Variants in TOP1 observed in about 807,000 individuals in gnomAD.
TOP1 encodes DNA topoisomerase 1.
TOP1 carries 10 observed loss-of-function variants against 111.1 expected under a neutral mutation model. The ratio of observed to expected loss-of-function variants is 0.09; its 90% CI spans 0.06 to 0.15. The LOEUF (loss-of-function observed/expected upper bound fraction) is 0.15. Among genes scored for constraint, TOP1 ranks in the 10% least tolerant of loss-of-function variants. TOP1 has a pLI of 1.00. For missense variants in TOP1, 474 were observed against 926.7 expected, an observed-to-expected ratio of 0.51 and a Z score of 6.34; for synonymous variants, 271 against 302.9, an observed-to-expected ratio of 0.89 and a Z score of 1.10.
In TOP1 at chr20:41,098,469, T is replaced by C. The variant is rs1172116109; in HGVS notation, c.975+132T>C. ...TCATTCTATGCTAAAGACTTAGAGTTCTCAAAGTCTAAATTTTCTTAAAGG... is the reference window on the plus strand; with the variant it reads ...TCATTCTATGCTAAAGACTTAGAGTCCTCAAAGTCTAAATTTTCTTAAAGG... On this transcript the variant is annotated intron_variant, in intron 11 of 20. Transcript: ENST00000361337. The surrounding 1 kb of genome is among the most constrained non-coding windows in gnomAD (Gnocchi z 5.7). The C allele has an allele frequency of 1.9e-6, 2 of 1,036,402 alleles. No individual in the cohort carries two copies. The highest frequency in any genetic ancestry group is 2.6e-5 in the East Asian group (1 of 37,774). 64.2% of individuals were successfully genotyped at this position (1,036,402 alleles called of 1,614,324 possible). A position where few individuals can be genotyped will look rare whatever the true frequency, so the allele number is the denominator to read the frequency against.
chr20:41,121,860 G>T lies in TOP1; in HGVS notation c.2045+70G>T. ...GTGCAGCATCTGTCAGGGCCCCTGG[G>T]GCCCTGGCTTTTCGATGGTTTCTGA... On this transcript the variant is annotated intron_variant, in intron 19 of 20. Coordinates refer to ENST00000361337, the MANE Select transcript of TOP1 (RefSeq NM_003286.4). The surrounding 1 kb of genome is among the most constrained non-coding windows in gnomAD (Gnocchi z 4.2). 6.4e-7 allele frequency: 1 copy of T among 1,559,508 alleles called. No homozygotes were observed. Among genetic ancestry groups the T allele is most frequent in the South Asian group, 1.1e-5 (1 of 87,494 alleles).
intron 2 of TOP1, among the ~76,000 whole-genome samples, chr20:41,044,977 G>T (rs565943962): frequency 6.6e-6 from 1 of 152,060 alleles, no homozygotes; most frequent in East Asian, 1.9e-4. Context: ...TAGTAGAGAC[G>T]GGGTTTTGCC....
chr20:41,066,065 A>G (rs2033602647), intron 3 of TOP1, among the ~76,000 whole-genome samples: 1 of 152,228 alleles, frequency 6.6e-6, no homozygotes, highest in East Asian at 1.9e-4. Context: ...TTATATTACT[A>G]GGCTGTAAGA....
rs768474029 is a variant in TOP1 at position 41,100,277 on chromosome 20, G to T, written c.1163+34G>T. The T allele has an allele frequency of 1.7e-5, 27 of 1,568,942 alleles. No homozygotes were observed. In the East Asian group the frequency reaches 4.3e-4, roughly 25 times the overall value. Reference sequence around the variant, plus strand: ...GCACTTCATCCTATGGGCCAAAAAGGGGGTGGAGGGCGTCCTTTATTGTAC... The same window carrying T: ...GCACTTCATCCTATGGGCCAAAAAGTGGGTGGAGGGCGTCCTTTATTGTAC... On this transcript the variant is annotated intron_variant, in intron 12 of 20. Transcript: ENST00000361337. The surrounding 1 kb of genome is among the most constrained non-coding windows in gnomAD (Gnocchi z 4.4).
At chr20:41,089,098 C>T (rs1433244184) in intron 8 of TOP1, among the ~76,000 whole-genome samples, 1 of 133,968 alleles carries the variant, frequency 7.5e-6, no homozygotes, top group Non-Finnish European at 1.5e-5. Flanking sequence ...GATCTCAGTT[C>T]ACTGCAACCT....
intron 2 of TOP1, among the ~76,000 whole-genome samples, chr20:41,054,302 G>GC (rs2067896733): frequency 1.4e-5 from 2 of 145,756 alleles, no homozygotes; most frequent in Admixed American, 1.4e-4. Context: ...TCCCCACCCC[G>GC]CCCCCGCACC....
In TOP1 at chr20:41,034,058, T is replaced by C. The variant is rs1278279976; in HGVS notation, c.58+4603T>C. 6.6e-6 allele frequency among the ~76,000 whole-genome samples: 1 copy of C among 152,248 alleles called. No homozygotes were observed. The highest frequency in any genetic ancestry group is 1.9e-4 in the East Asian group (1 of 5,204). On this transcript the variant is annotated intron_variant, in intron 2 of 20. Coordinates refer to ENST00000361337, the MANE Select transcript of TOP1 (RefSeq NM_003286.4). This position sits in a 1 kb window ranked among gnomAD's most constrained non-coding sequence, Gnocchi z 4.0. ...GTGAGAGTCAGTTGAGTGAATTTTC[T>C]GTGTTGTATGGTTTAGATTATCTGA...
At chr20:41,033,672 T>G (rs2033150114) in intron 2 of TOP1, among the ~76,000 whole-genome samples, 1 of 152,222 alleles carries the variant, frequency 6.6e-6, no homozygotes, top group African/African-American at 2.4e-5. Context: ...ACATATCATT[T>G]TAGAAGTTTC....
intron 4 of TOP1, 45 bp downstream of exon 4, chr20:41,076,339 T>C: frequency 2.6e-6 from 4 of 1,563,270 alleles, no homozygotes; most frequent in Non-Finnish European, 3.5e-6. Context: ...GGATGCACTT[T>C]TGTTTACCTT....
At chr20:41,063,186 G>T (rs1228069244) in intron 3 of TOP1, among the ~76,000 whole-genome samples, 1 of 152,110 alleles carries the variant, frequency 6.6e-6, no homozygotes, top group Non-Finnish European at 1.5e-5. Context: ...GAGACCATGT[G>T]GTATTTGGTA....
intron 13 of TOP1, among the ~76,000 whole-genome samples, chr20:41,107,647 AGTC>A (rs1310630135): frequency 1.3e-5 from 2 of 152,210 alleles, no homozygotes; most frequent in African/African-American, 4.8e-5. Context: ...CTCACTTGAA[AGTC>A]TTTGTAAGAT....
rs190972496 is a variant in TOP1 at position 41,054,975 on chromosome 20, T to C, written c.59-6419T>C. 2.5e-4 allele frequency among the ~76,000 whole-genome samples: 38 copies of C among 152,222 alleles called. 1 individual carries two copies. Among genetic ancestry groups the C allele is most frequent in the African/African-American group, 8.7e-4 (36 of 41,452 alleles). Reference sequence around the variant, plus strand: ...TAAAAGCTTTTTAAACCCCAGGGAATACGTTAGGTAACAATAGCAAAAGAT... The same window carrying C: ...TAAAAGCTTTTTAAACCCCAGGGAACACGTTAGGTAACAATAGCAAAAGAT... On this transcript the variant is annotated intron_variant, in intron 2 of 20. Transcript: ENST00000361337.
At chr20:41,077,746 C>G in intron 5 of TOP1, 109 bp downstream of exon 5, 1 of 984,146 alleles carries the variant, frequency 1.0e-6, no homozygotes, top group Admixed American at 2.0e-5. Context: ...ACCTGGCCAT[C>G]TTGATGGTTC....
chr20:41,065,868 T>C (rs1053619659), intron 3 of TOP1, among the ~76,000 whole-genome samples: 12 of 152,214 alleles, frequency 7.9e-5, no homozygotes, highest in Admixed American at 7.9e-4. Context: ...TCCACTTTCA[T>C]TCTCCGGGGT....
chr20:41,043,655 T>C (rs2033295648), intron 2 of TOP1, among the ~76,000 whole-genome samples: 1 of 152,144 alleles, frequency 6.6e-6, no homozygotes, highest in Non-Finnish European at 1.5e-5. Flanking sequence ...AAAGTCTTTA[T>C]GGCCAGACAA....
In TOP1 at chr20:41,121,692, C is replaced by T; in HGVS notation, c.1951-4C>T. The T allele has an allele frequency of 6.2e-7, 1 of 1,613,330 alleles. No individual in the cohort carries two copies. The highest frequency in any genetic ancestry group is 8.5e-7 in the Non-Finnish European group (1 of 1,179,286). ...CATAACCTTACCACTATTATTTCCC[C>T]TAGATTGATGCCAAGAAGGAACAGC... On this transcript the variant is annotated splice_polypyrimidine_tract_variant and splice_region_variant and intron_variant, in intron 18 of 20. Transcript: ENST00000361337. This position sits in a 1 kb window ranked among gnomAD's most constrained non-coding sequence, Gnocchi z 4.2.
chr20:41,091,444 A>T (rs1394307356), intron 8 of TOP1, among the ~76,000 whole-genome samples: 3 of 151,664 alleles, frequency 2.0e-5, no homozygotes, highest in Non-Finnish European at 2.9e-5. Context: ...GTGGAAGAAT[A>T]TTATTTTTAT....
At chr20:41,043,641 A>G (rs2033295390) in intron 2 of TOP1, among the ~76,000 whole-genome samples, 1 of 152,200 alleles carries the variant, frequency 6.6e-6, no homozygotes, top group Non-Finnish European at 1.5e-5. Context: ...GTGTCAGCAC[A>G]CTTAAAGTCT....
intron 9 of TOP1, among the ~76,000 whole-genome samples, chr20:41,096,042 AT>A (rs2033977138): frequency 6.6e-6 from 1 of 152,172 alleles, no homozygotes; most frequent in African/African-American, 2.4e-5. Flanking sequence ...AGCAGCTTTC[AT>A]TGTGAAAACA....
Sources: allele counts gnomAD v4.1 joint callset (sites outside exome capture counted in the v4.1 genomes callset), GRCh38; gene constraint gnomAD v4.1.1; non-coding constraint Gnocchi (gnomAD v3.1); transcripts MANE v1.5; gene names NCBI Gene and HGNC (gene_info 2026-07-23, HGNC 2026-07-21).